The following TRIM2 variants were observed in gnomAD, a reference collection of about 807,000 sequenced individuals.
The protein encoded by TRIM2 is tripartite motif containing 2, also known as tripartite motif-containing protein 2.
Under a neutral mutation model 75.2 loss-of-function variants are expected in TRIM2, and 20 were observed. That is an observed-to-expected ratio of 0.27 (90% CI 0.19 to 0.39). The LOEUF (loss-of-function observed/expected upper bound fraction) is 0.39. TRIM2 is among the 10% of genes least tolerant of loss of function. The pLI is 1.00. For synonymous variants in TRIM2, 373 were observed against 388.3 expected, an observed-to-expected ratio of 0.96 and a Z score of 0.46; for missense variants, 660 against 990.8, an observed-to-expected ratio of 0.67 and a Z score of 4.48.
intron 1 of TRIM2, among the ~76,000 whole-genome samples, chr4:153,245,062 G>A (rs1748756786): frequency 6.6e-6 from 1 of 152,170 alleles, no homozygotes; most frequent in Admixed American, 6.5e-5. Flanking sequence ...GGTTCTTGCT[G>A]CACGTGTCTG....
intron 10 of TRIM2, among the ~76,000 whole-genome samples, chr4:153,328,136 A>G (rs1471329338): frequency 6.6e-6 from 1 of 151,638 alleles, no homozygotes; most frequent in Non-Finnish European, 1.5e-5. Flanking sequence ...ATGGTCATCC[A>G]TCCTGTTAGA....
intron 2 of TRIM2, among the ~76,000 whole-genome samples, chr4:153,275,031 A>G (rs1181503519): frequency 6.6e-6 from 1 of 152,172 alleles, no homozygotes; most frequent in African/African-American, 2.4e-5. Flanking sequence ...AAAAAATTGT[A>G]TAGTCTAATT....
At chr4:153,250,774 C>G (rs1023637306) in intron 1 of TRIM2, among the ~76,000 whole-genome samples, 1 of 152,208 alleles carries the variant, frequency 6.6e-6, no homozygotes, top group South Asian at 2.1e-4. Flanking sequence ...GGCAGGGAGT[C>G]AGGGGTGCTT....
upstream of TRIM2, among the ~76,000 whole-genome samples, chr4:153,200,663 G>T (rs1249293771): frequency 3.4e-5 from 5 of 148,304 alleles, no homozygotes; most frequent in Admixed American, 3.4e-4. Context: ...AATGTACCAG[G>T]GTTCTTGTTT....
chr4:153,153,165 CCTGCTTGTCACCTCTCG>C (rs948705699), exon 1 of TRIM2: 3 of 152,440 alleles, frequency 2.0e-5, no homozygotes, highest in African/African-American at 7.2e-5. Flanking sequence ...CAGCTGGTCG[CCTGCTTGTCACCTCTCG>C]CTGCCTGAAA....
At chr4:153,186,477 C>T (rs1402561173) in intron 1 of TRIM2, among the ~76,000 whole-genome samples, 1 of 152,176 alleles carries the variant, frequency 6.6e-6, no homozygotes, top group African/African-American at 2.4e-5. Context: ...AAACTTTGAA[C>T]CATTTCACCC....
chr4:153,179,189 T>C (rs1351392088), intron 1 of TRIM2, among the ~76,000 whole-genome samples: 1 of 151,950 alleles, frequency 6.6e-6, no homozygotes, highest in Non-Finnish European at 1.5e-5. Flanking sequence ...TAACAGTAAT[T>C]TGTTAATAGC....
At position 153,315,815 on chromosome 4, in the gene TRIM2, T is replaced by C. The variant is rs371360765; in HGVS notation, c.1615-17T>C. On this transcript the variant is annotated splice_polypyrimidine_tract_variant and intron_variant, in intron 7 of 11. Coordinates refer to ENST00000338700, the MANE Select transcript of TRIM2 (RefSeq NM_015271.5). ...CTGTACTAGTTCACATTCCAATGAA[T>C]GTAATTTATCTTACAGATATTTTCC... 9.3e-6 allele frequency: 15 copies of C among 1,614,110 alleles called. No individual in the cohort carries two copies. In the East Asian group the frequency reaches 1.3e-4, roughly 14 times the overall value.
rs532473162 is a variant in TRIM2 at position 153,210,751 on chromosome 4, C to T, written c.30+6191C>T. ...GAGGCTAGCTCTTGTGTTTCCTGGA[C>T]ACTCTGTGTGTTCTGGACATACTGG... On this transcript the variant is annotated intron_variant, in intron 1 of 11. Transcript: ENST00000338700. 4.1e-4 allele frequency among the ~76,000 whole-genome samples: 62 copies of T among 152,290 alleles called. No individual in the cohort carries two copies. The Middle Eastern group carries it at 0.014, about 33-fold the overall frequency.
chr4:153,336,640 AT>A lies in TRIM2; in HGVS notation c.*1677del. On this transcript the variant is annotated 3_prime_UTR_variant, in exon 12 of 12. Coordinates refer to ENST00000338700, the MANE Select transcript of TRIM2 (RefSeq NM_015271.5). ...CCTTAGAACTGTACTATAAGAAAAC[AT>A]TTCCCCTATGTATAATTATATGAAT... 1 of 985,744 alleles carries A rather than the reference AT, an allele frequency of 1.0e-6. No homozygotes were observed. The highest frequency in any genetic ancestry group is 1.2e-6 in the Non-Finnish European group (1 of 829,876). The allele number at this position is 985,744 out of a possible 1,614,324, so 61.1% of individuals were successfully genotyped here.
chr4:153,180,347 A>G (rs906892132), intron 1 of TRIM2, among the ~76,000 whole-genome samples: 1 of 152,196 alleles, frequency 6.6e-6, no homozygotes, highest in Non-Finnish European at 1.5e-5. Context: ...GCCAGGAAAA[A>G]CAAGGTTCTC....
At chr4:153,175,677 C>G (rs1731362630) in intron 1 of TRIM2, among the ~76,000 whole-genome samples, 1 of 152,072 alleles carries the variant, frequency 6.6e-6, no homozygotes, top group Non-Finnish European at 1.5e-5. Context: ...TTTCTTTTTA[C>G]AAAATACTCT....
chr4:153,227,797 A>G (rs1260138580), intron 1 of TRIM2, among the ~76,000 whole-genome samples: 9 of 150,036 alleles, frequency 6.0e-5, no homozygotes, highest in Admixed American at 6.0e-4. Context: ...GTCTGACCAC[A>G]CCCTCCCCCG....
chr4:153,171,277 A>G (rs1165660012), intron 1 of TRIM2, among the ~76,000 whole-genome samples: 2 of 152,198 alleles, frequency 1.3e-5, no homozygotes, highest in Non-Finnish European at 2.9e-5. Flanking sequence ...ACTTTAACAC[A>G]GCAAAGTTTC....
intron 1 of TRIM2, among the ~76,000 whole-genome samples, chr4:153,154,335 G>A (rs1434779258): frequency 6.6e-6 from 1 of 152,216 alleles, no homozygotes; most frequent in Non-Finnish European, 1.5e-5. Flanking sequence ...GGGGCTGATA[G>A]CCAATGGAAG....
At chr4:153,175,110 G>A (rs1434722562) in intron 1 of TRIM2, among the ~76,000 whole-genome samples, 1 of 151,928 alleles carries the variant, frequency 6.6e-6, no homozygotes, top group Non-Finnish European at 1.5e-5. Flanking sequence ...TCTGCCTTCC[G>A]GTTTCAAGCG....
intron 6 of TRIM2, among the ~76,000 whole-genome samples, chr4:153,296,485 T>C (rs144116264): frequency 3.3e-4 from 50 of 152,246 alleles, no homozygotes; most frequent in African/African-American, 1.2e-3. Context: ...TGGCAGAGCA[T>C]GTGATGCCTC....
chr4:153,275,315 G>A (rs1007915968), intron 2 of TRIM2, among the ~76,000 whole-genome samples: 4 of 152,236 alleles, frequency 2.6e-5, no homozygotes, highest in African/African-American at 9.6e-5. Context: ...AAGGAGAAGA[G>A]ATGGTGTGGC....
chr4:153,191,191 A>G (rs1733152333), intron 1 of TRIM2, among the ~76,000 whole-genome samples: 1 of 152,220 alleles, frequency 6.6e-6, no homozygotes, highest in African/African-American at 2.4e-5. Flanking sequence ...AGCAGGAAGG[A>G]TTGGTTCTTT....
Sources: gnomAD v4.1 joint callset for allele counts (sites outside exome capture counted in the v4.1 genomes callset) on GRCh38, gnomAD v4.1.1 for gene constraint, MANE v1.5 for transcripts, NCBI Gene and HGNC (gene_info 2026-07-23, HGNC 2026-07-21) for gene names.